Variants in MMD2 observed in about 807,000 individuals in gnomAD.
The protein encoded by MMD2 is monocyte to macrophage differentiation factor 2.
Under a neutral mutation model 33.5 loss-of-function variants are expected in MMD2, and 30 were observed. The observed-to-expected ratio is 0.90, with a 90% CI of 0.67 to 1.22. The LOEUF is 1.22. Ranked by LOEUF, MMD2 falls within the 50% of genes most tolerant of loss-of-function variation. The pLI is 0.00. For synonymous variants in MMD2, 129 were observed against 123.0 expected (o/e 1.05, Z -0.32); for missense variants, 364 against 325.4 (o/e 1.12, Z -0.91).
intron 3 of MMD2, 111 bp from the exon 4 acceptor site, chr7:4,916,190 G>C (rs1562478715): frequency 4.2e-6 from 4 of 942,286 alleles, no homozygotes; most frequent in Non-Finnish European, 5.0e-6. Flanking sequence ...TAGCAGGGCT[G>C]GGCTCCTCTG....
the MMD2 span, among the ~76,000 whole-genome samples, chr7:4,897,298 C>A: frequency 7.2e-6 from 1 of 139,654 alleles, no homozygotes. Context: ...TAAGTTCTTT[C>A]TACTCCATTG....
At chr7:4,955,663 T>G (rs1014463617) in intron 1 of MMD2, among the ~76,000 whole-genome samples, 2 of 152,208 alleles carry the variant, frequency 1.3e-5, no homozygotes, top group Non-Finnish European at 2.9e-5. Flanking sequence ...TTAACTAAAA[T>G]ATATTCTAAA....
chr7:4,939,663 G>A (rs189860023), intron 1 of MMD2, among the ~76,000 whole-genome samples: 5 of 151,834 alleles, frequency 3.3e-5, no homozygotes, highest in Admixed American at 2.0e-4. Context: ...GCTTTCAGAA[G>A]AAATAAGGAC....
rs781087843 is a variant in MMD2 at position 4,920,348 on chromosome 7, G to C, written c.130-17C>G. On this transcript the variant is annotated splice_polypyrimidine_tract_variant and intron_variant, in intron 2 of 6. Coordinates refer to ENST00000401401, the MANE Select transcript of MMD2 (RefSeq NM_198403.4). ...GATCCAGAACTGGAGGGGCAGGGAC[G>C]GCAGGGACAGGTGCAGCAGCTGGGT... The C allele has an allele frequency of 9.4e-6, 15 of 1,600,550 alleles. No individual in the cohort carries two copies. The highest frequency in any genetic ancestry group is 1.3e-5 in the Non-Finnish European group (15 of 1,174,232).
chr7:4,949,193 G>C (rs992875270), intron 1 of MMD2, among the ~76,000 whole-genome samples: 5 of 152,088 alleles, frequency 3.3e-5, no homozygotes, highest in African/African-American at 1.2e-4. Flanking sequence ...CTGGGCAATA[G>C]AGTGAGACTC....
the MMD2 span, among the ~76,000 whole-genome samples, chr7:4,895,621 C>G: frequency 6.6e-6 from 1 of 152,178 alleles, no homozygotes; most frequent in Middle Eastern, 3.4e-3. Context: ...ACTGCAACCT[C>G]CATCTCCCGG....
chr7:4,923,833 C>A (rs1216194419), intron 2 of MMD2, among the ~76,000 whole-genome samples: 1 of 152,146 alleles, frequency 6.6e-6, no homozygotes, highest in African/African-American at 2.4e-5. Flanking sequence ...TCAAAAGGGA[C>A]TGACTGAGAA....
Position 4,940,270 on chromosome 7 carries a change from G to A in MMD2, c.48-14738C>T, listed in dbSNP as rs1785870266. 6.6e-6 allele frequency among the ~76,000 whole-genome samples: 1 copy of A among 152,130 alleles called. No individual in the cohort carries two copies. Among genetic ancestry groups the A allele is most frequent in the Admixed American group, 6.6e-5 (1 of 15,254 alleles). On this transcript the variant is annotated intron_variant, in intron 1 of 6. Coordinates refer to ENST00000401401, the MANE Select transcript of MMD2 (RefSeq NM_198403.4). This position sits in a 1 kb window ranked among gnomAD's most constrained non-coding sequence, Gnocchi z 5.0. ...GGCAGGAGCCAGGCCCAGTCTCAGA[G>A]CTCAGCTTCTGCAATTCCTCCCTCT...
At chr7:4,941,629 CA>C (rs60860507) in intron 1 of MMD2, among the ~76,000 whole-genome samples, 36,436 of 135,696 alleles carry the variant, frequency 0.27, 6,212 homozygotes, top group African/African-American at 0.5. Context: ...GAACCTGTCT[CA>C]AAAAAAAAAA....
Position 4,946,184 on chromosome 7 carries a change from C to A in MMD2, c.47+12787G>T, listed in dbSNP as rs1001454883. Among the ~76,000 whole-genome samples, 11 of 151,720 alleles carry A rather than the reference C, an allele frequency of 7.3e-5. No individual in the cohort carries two copies. The highest frequency in any genetic ancestry group is 1.6e-4 in the Non-Finnish European group (11 of 67,948). On this transcript the variant is annotated intron_variant, in intron 1 of 6. Coordinates refer to ENST00000401401, the MANE Select transcript of MMD2 (RefSeq NM_198403.4). This position sits in a 1 kb window ranked among gnomAD's most constrained non-coding sequence, Gnocchi z 5.0. Reference sequence around the variant, plus strand: ...GCACACCTGCACACATGCACACACACGCGCGCACACCCACACACACGCATG... The same window carrying A: ...GCACACCTGCACACATGCACACACAAGCGCGCACACCCACACACACGCATG...
intron 1 of MMD2, among the ~76,000 whole-genome samples, chr7:4,935,368 C>G (rs1785709706): frequency 6.7e-6 from 1 of 149,224 alleles, no homozygotes; most frequent in African/African-American, 2.5e-5. Context: ...TAATAAAATA[C>G]TGACGACTGG....
intron 1 of MMD2, among the ~76,000 whole-genome samples, chr7:4,956,551 C>T (rs1215992258): frequency 6.6e-6 from 1 of 152,134 alleles, no homozygotes; most frequent in African/African-American, 2.4e-5. Context: ...GATCCATTTC[C>T]TCCCTGGACC....
chr7:4,947,891 G>A (rs955400667), intron 1 of MMD2, among the ~76,000 whole-genome samples: 2 of 151,410 alleles, frequency 1.3e-5, no homozygotes, highest in Admixed American at 6.6e-5. Context: ...GTAGAGACAG[G>A]GTTTCACCGT....
Position 4,925,457 on chromosome 7 carries a change from G to A in MMD2, c.123C>T (p.Thr41=). 6.4e-7 allele frequency: 1 copy of A among 1,561,336 alleles called. No individual in the cohort carries two copies. The highest frequency in any genetic ancestry group is 1.8e-5 in the Admixed American group (1 of 55,058). ...TEYEHAANCA[T]HAFWIIPSIL... is the part of the protein sequence containing the mutation. ...CCCCCAAAAGCCAACTCACAGCATGGGTGGCACAGTTGGCCGCATGTTCAT... is the reference window on the plus strand; with the variant it reads ...CCCCCAAAAGCCAACTCACAGCATGAGTGGCACAGTTGGCCGCATGTTCAT... Residue 41 remains threonine (T), a synonymous_variant, in exon 2 of 7, where the codon ACC becomes ACT. Transcript: ENST00000401401.
rs1318481797 is a variant in MMD2 at position 4,925,461 on chromosome 7, G to A, written c.119C>T (p.Ala40Val). Reference sequence around the variant, plus strand: ...CAAAAGCCAACTCACAGCATGGGTGGCACAGTTGGCCGCATGTTCATACTC... The same window carrying A: ...CAAAAGCCAACTCACAGCATGGGTGACACAGTTGGCCGCATGTTCATACTC... ...PTEYEHAANCATHAFWIIPSI... is the reference protein window; with the variant it reads ...PTEYEHAANCVTHAFWIIPSI... The change falls in exon 2 of 7, where the codon GCC (alanine) becomes GTC (valine). Residue 40 changes from alanine to valine, a missense_variant. Physicochemically the swap from Ala to Val is moderately conservative, Grantham distance 64 (BLOSUM62 0). Transcript: ENST00000401401. 1.3e-6 allele frequency: 2 copies of A among 1,563,988 alleles called. No individual in the cohort carries two copies. Among genetic ancestry groups the A allele is most frequent in the South Asian group, 2.4e-5 (2 of 84,726 alleles).
intron 1 of MMD2, among the ~76,000 whole-genome samples, chr7:4,933,431 G>A (rs112237785): frequency 2.1e-4 from 32 of 152,224 alleles, no homozygotes; most frequent in East Asian, 5.8e-4. Context: ...TAAATGTAAC[G>A]TTATCTTTCC....
intron 1 of MMD2, among the ~76,000 whole-genome samples, chr7:4,949,797 C>T (rs916062297): frequency 2.0e-5 from 3 of 152,082 alleles, no homozygotes; most frequent in Admixed American, 6.6e-5. Flanking sequence ...CCACTGTGCC[C>T]GGCCAGAATA....
intron 6 of MMD2, chr7:4,909,606 A>ATTT: frequency 1.1e-5 from 6 of 547,948 alleles, no homozygotes; most frequent in South Asian, 2.1e-5. Flanking sequence ...CATCTGGCTA[A>ATTT]TTTTTTTTTT....
chr7:4,942,396 T>C (rs1393258562), intron 1 of MMD2, among the ~76,000 whole-genome samples: 1 of 147,380 alleles, frequency 6.8e-6, no homozygotes, highest in Non-Finnish European at 1.5e-5. Context: ...CACCTGGCCC[T>C]GCCTGGGAGG....
Sources: gnomAD v4.1 joint callset for allele counts (sites outside exome capture counted in the v4.1 genomes callset) on GRCh38, gnomAD v4.1.1 for gene constraint, Gnocchi (gnomAD v3.1) non-coding constraint, MANE v1.5 for transcripts, NCBI Gene and HGNC (gene_info 2026-07-23, HGNC 2026-07-21) for gene names.